RIMKLB: variants seen among roughly 807,000 people sequenced by gnomAD.
RIMKLB encodes ribosomal modification protein rimK like family member B, also known as beta-citrylglutamate synthase B.
Under a neutral mutation model 32.0 loss-of-function variants are expected in RIMKLB, and 7 were observed. The observed-to-expected ratio is 0.22, with a 90% CI of 0.12 to 0.41. The LOEUF (loss-of-function observed/expected upper bound fraction) is 0.41, where lower values mean the gene tolerates loss of function less well. Among genes scored for constraint, RIMKLB ranks in the 10% least tolerant of loss-of-function variants. The pLI is 1.00. For missense variants in RIMKLB, 289 were observed against 498.7 expected (o/e 0.58, Z 4.00); for synonymous variants, 172 against 185.1 (o/e 0.93, Z 0.57).
intron 5 of RIMKLB, among the ~76,000 whole-genome samples, chr12:8,754,811 G>A (rs1236932203): frequency 6.6e-6 from 1 of 152,150 alleles, no homozygotes; most frequent in Non-Finnish European, 1.5e-5. Flanking sequence ...GTGAGTGAAT[G>A]ATGGGGTCTT....
intron 2 of RIMKLB, among the ~76,000 whole-genome samples, chr12:8,747,517 T>C (rs971248650): frequency 2.0e-5 from 3 of 152,186 alleles, no homozygotes; most frequent in Non-Finnish European, 4.4e-5. Flanking sequence ...TAAAAATTAA[T>C]ATACTGTCTG....
rs145312687 is a variant in RIMKLB, at chr12:8,756,684, C to CTT, written c.697+2615_697+2616dup. ...TTGGTTATATTAATTTTACTTTCTA[C>CTT]TTTTTTTTTTTTTTTTTTTTTTTTT... On this transcript the variant is annotated intron_variant, in intron 5 of 5. Coordinates refer to ENST00000535829, the MANE Select transcript of RIMKLB (RefSeq NM_001297776.2). 2.1e-3 allele frequency among the ~76,000 whole-genome samples: 194 copies of CTT among 90,980 alleles called. 4 individuals carry two copies. The highest frequency in any genetic ancestry group is 0.017 in the Middle Eastern group (2 of 120). 59.7% of individuals were successfully genotyped at this position (90,980 alleles called of 152,430 possible).
At chr12:8,732,756 T>TATACACACACACACACACACAC (rs1213499853) in intron 2 of RIMKLB, among the ~76,000 whole-genome samples, 4 of 150,048 alleles carry the variant, frequency 2.7e-5, no homozygotes, top group African/African-American at 9.9e-5. Flanking sequence ...TATATATATA[T>TATACACACACACACACACACAC]ACACACACAC....
intron 2 of RIMKLB, among the ~76,000 whole-genome samples, chr12:8,720,446 A>G (rs1280272802): frequency 2.0e-5 from 3 of 152,174 alleles, no homozygotes; most frequent in Non-Finnish European, 4.4e-5. Flanking sequence ...CTCTGTTCAC[A>G]TGGAGCTCAG....
At chr12:8,675,453 C>A in the RIMKLB span, among the ~76,000 whole-genome samples, 1 of 152,250 alleles carries the variant, frequency 6.6e-6, no homozygotes, top group Middle Eastern at 3.4e-3. Context: ...GTACTTTCTC[C>A]CTCTCCTTAA....
intron 1 of RIMKLB, among the ~76,000 whole-genome samples, chr12:8,709,344 CTGTTTTTCTT>C (rs1025806782): frequency 1.3e-5 from 2 of 152,086 alleles, no homozygotes; most frequent in Admixed American, 1.3e-4. Flanking sequence ...CTGTTTTTTC[CTGTTTTTCTT>C]TTTTCTTTAT....
At chr12:8,670,894 A>ACTT in the RIMKLB span, among the ~76,000 whole-genome samples, 14 of 152,142 alleles carry the variant, frequency 9.2e-5, no homozygotes, top group African/African-American at 3.4e-4. Flanking sequence ...TCAATTCTTG[A>ACTT]CTTCTGTCCA....
intron 2 of RIMKLB, among the ~76,000 whole-genome samples, chr12:8,718,418 G>A (rs1019852133): frequency 1.3e-5 from 2 of 152,168 alleles, no homozygotes; most frequent in African/African-American, 2.4e-5. Context: ...ATCCGAGGCC[G>A]GCAGATCGCG....
At chr12:8,762,657 T>C (rs2094815866) in intron 5 of RIMKLB, among the ~76,000 whole-genome samples, 1 of 152,202 alleles carries the variant, frequency 6.6e-6, no homozygotes, top group Non-Finnish European at 1.5e-5. Context: ...GTAAGCATAT[T>C]AGTGTCTGTA....
intron 1 of RIMKLB, among the ~76,000 whole-genome samples, chr12:8,707,405 C>A (rs112043691): frequency 0.034 from 5,105 of 152,292 alleles, 295 homozygotes; most frequent in African/African-American, 0.12. Context: ...GAAAAGGTGC[C>A]TAGGGCAAAG....
chr12:8,736,059 T>C (rs1472596080), intron 2 of RIMKLB, among the ~76,000 whole-genome samples: 1 of 152,194 alleles, frequency 6.6e-6, no homozygotes, highest in African/African-American at 2.4e-5. Context: ...TCTGTATTAA[T>C]CTCTTCAGTG....
intron 2 of RIMKLB, among the ~76,000 whole-genome samples, chr12:8,731,322 T>G (rs143166227): frequency 1.3e-5 from 2 of 152,072 alleles, no homozygotes; most frequent in East Asian, 3.9e-4. Flanking sequence ...GGTCTCAAAC[T>G]CCTGACCTCA....
At chr12:8,692,811 C>T (rs1368980429), upstream of RIMKLB, among the ~76,000 whole-genome samples, 1 of 152,176 alleles carries the variant, frequency 6.6e-6, no homozygotes, top group South Asian at 2.1e-4. Flanking sequence ...TGGTTCTAGC[C>T]GGCTGGCTCC....
intron 2 of RIMKLB, among the ~76,000 whole-genome samples, chr12:8,734,997 TGAG>T (rs1169773693): frequency 1.3e-5 from 2 of 152,216 alleles, no homozygotes; most frequent in South Asian, 2.1e-4. Flanking sequence ...CAGGGGAAAA[TGAG>T]GAGAATTGAG....
downstream of RIMKLB, chr12:8,780,156 A>C (rs999874587): frequency 6.6e-6 from 1 of 152,192 alleles, no homozygotes; most frequent in East Asian, 1.9e-4. Context: ...ACTTTAAAAA[A>C]CTTTTATATT....
rs758340625 is a variant in RIMKLB at position 8,774,934 on chromosome 12, A to T, written c.*1150A>T. 94 of 985,696 alleles carry T rather than the reference A, an allele frequency of 9.5e-5. No homozygotes were observed. The highest frequency in any genetic ancestry group is 1.0e-4 in the Non-Finnish European group (84 of 829,906). 61.1% of individuals were successfully genotyped at this position (985,696 alleles called of 1,614,324 possible). A position where few individuals can be genotyped will look rare whatever the true frequency, so the allele number is the denominator to read the frequency against. On this transcript the variant is annotated 3_prime_UTR_variant, in exon 6 of 6. Coordinates refer to ENST00000535829, the MANE Select transcript of RIMKLB (RefSeq NM_001297776.2). ...TTTTGCTTTTTGTTTCCATCAACTA[A>T]TCAAAAAGGATAATTTAGAAAATGG...
chr12:8,698,458 C>A (rs1451852525), intron 1 of RIMKLB, among the ~76,000 whole-genome samples, 161 bp downstream of exon 1: 1 of 151,990 alleles, frequency 6.6e-6, no homozygotes, highest in Admixed American at 6.5e-5. Context: ...CTAGTTGAGG[C>A]CGGTGGTCGC....
Position 8,776,263 on chromosome 12 carries a change from A to G in RIMKLB, c.*2479A>G, listed in dbSNP as rs964417500. 32 of 977,844 alleles carry G rather than the reference A, an allele frequency of 3.3e-5. No individual in the cohort carries two copies. The highest frequency in any genetic ancestry group is 3.9e-5 in the Non-Finnish European group (32 of 823,180). The allele number at this position is 977,844 out of a possible 1,614,324, so 60.6% of individuals were successfully genotyped here. On this transcript the variant is annotated 3_prime_UTR_variant, in exon 6 of 6. Transcript: ENST00000535829. ...TATTATGCATTCACATGATATTAAA[A>G]CGTACACTCACATGTTAGAATGAAA... is the stretch of plus-strand genomic sequence containing the variant.
intron 2 of RIMKLB, among the ~76,000 whole-genome samples, chr12:8,729,862 C>A (rs1946381368): frequency 6.6e-6 from 1 of 152,204 alleles, no homozygotes; most frequent in South Asian, 2.1e-4. Context: ...TCTTTGTCAA[C>A]TTCTGTTTTA....
Sources: allele counts gnomAD v4.1 joint callset (sites outside exome capture counted in the v4.1 genomes callset), GRCh38; gene constraint gnomAD v4.1.1; transcripts MANE v1.5; gene names NCBI Gene and HGNC (gene_info 2026-07-23, HGNC 2026-07-21).